The following ABCA13 variants were observed in gnomAD, a reference collection of about 807,000 sequenced individuals.
ABCA13 encodes ATP-binding cassette sub-family A member 13.
A neutral mutation model predicts 478.7 loss-of-function variants in ABCA13; 476 were observed. The observed-to-expected ratio is 0.99, with a 90% CI of 0.92 to 1.07. ABCA13 has a LOEUF of 1.07. ABCA13 is among the 50% of genes least tolerant of loss of function. ABCA13 has a pLI of 0.00. For synonymous variants in ABCA13, 2,252 were observed against 2,158.9 expected (o/e 1.04, Z -1.20); for missense variants, 6,060 against 5,910.6 (o/e 1.03, Z -0.83).
intron 49 of ABCA13, 144 bp downstream of exon 49, chr7:48,506,534 G>A (rs1195916165): frequency 1.1e-5 from 10 of 893,148 alleles, no homozygotes; most frequent in Non-Finnish European, 1.8e-5. Flanking sequence ...ACAGGACTTG[G>A]GCATTTCTTT....
At chr7:48,538,218 A>G (rs529072186) in intron 55 of ABCA13, among the ~76,000 whole-genome samples, 168 of 149,530 alleles carry the variant, frequency 1.1e-3, no homozygotes, top group African/African-American at 3.9e-3. Flanking sequence ...CTCCTGCCTC[A>G]GCCTCCTGAG....
At chr7:48,197,687 AT>A (rs1311973318) in intron 2 of ABCA13, among the ~76,000 whole-genome samples, 1 of 150,524 alleles carries the variant, frequency 6.6e-6, no homozygotes, top group Non-Finnish European at 1.5e-5. Flanking sequence ...TAAACAGCAC[AT>A]TATCCATAGA....
chr7:48,483,173 T>A lies in ABCA13; in HGVS notation c.13182+10T>A. The A allele has an allele frequency of 6.4e-7, 1 of 1,556,164 alleles. No individual in the cohort carries two copies. The highest frequency in any genetic ancestry group is 8.6e-7 in the Non-Finnish European group (1 of 1,159,582). On this transcript the variant is annotated intron_variant, in intron 47 of 61. Transcript: ENST00000435803. ...CCCAACTCTGGCAAAGGTAATCATA[T>A]TTTTTTATTTTTTTCCTGTTTTAGA...
At chr7:48,492,455 A>G (rs997497050) in intron 48 of ABCA13, among the ~76,000 whole-genome samples, 1 of 152,220 alleles carries the variant, frequency 6.6e-6, no homozygotes, top group African/African-American at 2.4e-5. Context: ...ATTTCTATCA[A>G]GCATTCATAT....
chr7:48,645,657 A>G lies in ABCA13; in HGVS notation c.*145A>G, dbSNP rs747049864. 1.9e-4 allele frequency: 130 copies of G among 701,606 alleles called. No individual in the cohort carries two copies. Among genetic ancestry groups the G allele is most frequent in the Non-Finnish European group, 2.9e-4 (125 of 426,818 alleles). 43.5% of individuals were successfully genotyped at this position (701,606 alleles called of 1,614,324 possible). On this transcript the variant is annotated 3_prime_UTR_variant, in exon 62 of 62. Transcript: ENST00000435803. ...ATTCTCTTGTTCATTTTCTATTTTG[A>G]ATCTCCTTGTTAGTTAATAACCACC...
chr7:48,199,042 C>T (rs1408937149), intron 3 of ABCA13, among the ~76,000 whole-genome samples: 5 of 152,160 alleles, frequency 3.3e-5, no homozygotes, highest in South Asian at 4.2e-4. Context: ...AAGTGGCTAG[C>T]GGATTAAGAT....
At chr7:48,580,434 C>T (rs1331711245) in intron 56 of ABCA13, 60 bp downstream of exon 56, 9 of 1,537,122 alleles carry the variant, frequency 5.9e-6, no homozygotes, top group Non-Finnish European at 8.0e-6. Flanking sequence ...TGGTGACCAC[C>T]TCTGGCTCCA....
chr7:48,582,948 G>A (rs927259380), intron 56 of ABCA13, among the ~76,000 whole-genome samples: 6 of 152,174 alleles, frequency 3.9e-5, no homozygotes, highest in African/African-American at 1.4e-4. Flanking sequence ...ATTACCAAAT[G>A]ATGCAAGAGA....
At chr7:48,175,491 G>T (rs1344374689) in intron 1 of ABCA13, among the ~76,000 whole-genome samples, 1 of 152,106 alleles carries the variant, frequency 6.6e-6, no homozygotes, top group Non-Finnish European at 1.5e-5. Context: ...TGTGATCTCG[G>T]CTCACTGCAA....
chr7:48,443,901 CT>C (rs1180648409), intron 42 of ABCA13, among the ~76,000 whole-genome samples: 2 of 152,154 alleles, frequency 1.3e-5, no homozygotes, highest in Non-Finnish European at 2.9e-5. Flanking sequence ...ACCCTCTTTC[CT>C]TCCTGTTACA....
intron 23 of ABCA13, among the ~76,000 whole-genome samples, chr7:48,305,783 T>C (rs1427925336): frequency 1.3e-5 from 2 of 152,214 alleles, no homozygotes; most frequent in Admixed American, 1.3e-4. Context: ...CAGATAATTA[T>C]CTAAGTGGCC....
chr7:48,359,036 C>T (rs953083954), intron 31 of ABCA13, among the ~76,000 whole-genome samples: 4 of 151,980 alleles, frequency 2.6e-5, no homozygotes, highest in South Asian at 2.1e-4. Flanking sequence ...CTTGCTGGTT[C>T]GCAGGACCTT....
rs779994650 is a variant in ABCA13 at position 48,273,064 on chromosome 7, C to A, written c.3398C>A (p.Ala1133Glu). 1 of 1,613,640 alleles carries A rather than the reference C, an allele frequency of 6.2e-7. No individual in the cohort carries two copies. Among genetic ancestry groups the A allele is most frequent in the Non-Finnish European group, 8.5e-7 (1 of 1,179,726 alleles). ...GCACAAATTTTTTCAAACCTCTCAG[C>A]AAATGTCAGTGTGTTCAACAAGTTT... ...PLAQIFSNLS[A>E]NVSVFNKFMS... Residue 1133 changes from alanine to glutamate, a missense_variant, in exon 17 of 62, where the codon GCA becomes GAA. This residue lies in a region of ABCA13 where 4,423 missense variants were observed against 4,309.1 expected (regional missense o/e 1.03). Coordinates refer to ENST00000435803, the MANE Select transcript of ABCA13 (RefSeq NM_152701.5).
At position 48,313,102 on chromosome 7, in the gene ABCA13, C is replaced by A; in HGVS notation, c.9552C>A (p.Asn3184Lys). 6.2e-7 allele frequency: 1 copy of A among 1,610,260 alleles called. No homozygotes were observed. The highest frequency in any genetic ancestry group is 8.5e-7 in the Non-Finnish European group (1 of 1,178,340). The change falls in exon 25 of 62, where the codon AAC (asparagine) becomes AAA (lysine). Residue 3184 changes from asparagine (N) to lysine (K), a missense_variant. By Grantham distance (94) the Asn-to-Lys change is moderately conservative. Coordinates refer to ENST00000435803, the MANE Select transcript of ABCA13 (RefSeq NM_152701.5). Reference protein sequence around the residue: ...LMPSEANGLLNSLLDIVSSLS... With the variant: ...LMPSEANGLLKSLLDIVSSLS... ...CTTCTGAAGCAAATGGCTTGCTCAA[C>A]TCCTTGCTGGATATAGTTTCCAGCC...
chr7:48,310,907 C>G (rs1801679609), intron 24 of ABCA13, among the ~76,000 whole-genome samples: 1 of 152,158 alleles, frequency 6.6e-6, no homozygotes, highest in South Asian at 2.1e-4. Flanking sequence ...AGAAGCTTCT[C>G]CTCCTTCTGG....
intron 30 of ABCA13, 126 bp downstream of exon 30, chr7:48,350,945 C>T (rs547244425): frequency 2.1e-4 from 216 of 1,012,910 alleles, no homozygotes; most frequent in Non-Finnish European, 2.9e-4. Context: ...CCAGATAAAA[C>T]ATAAAATAAA....
At chr7:48,198,734 T>G (rs1383881028) in intron 3 of ABCA13, among the ~76,000 whole-genome samples, 1 of 152,216 alleles carries the variant, frequency 6.6e-6, no homozygotes, top group Admixed American at 6.5e-5. Context: ...CTGGGTTTTT[T>G]CTCCTGTGCT....
At chr7:48,495,395 G>C (rs907775511) in intron 48 of ABCA13, among the ~76,000 whole-genome samples, 4 of 152,074 alleles carry the variant, frequency 2.6e-5, no homozygotes, top group Non-Finnish European at 5.9e-5. Context: ...ATCACGGTCA[G>C]TGACCATACT....
At chr7:48,411,853 C>G (rs997070291) in intron 40 of ABCA13, among the ~76,000 whole-genome samples, 4 of 152,166 alleles carry the variant, frequency 2.6e-5, no homozygotes, top group Non-Finnish European at 4.4e-5. Flanking sequence ...TGGTGGCCCA[C>G]GAAAAGTCTT....
Sources: gnomAD v4.1 joint callset for allele counts (sites outside exome capture counted in the v4.1 genomes callset) on GRCh38, gnomAD v4.1.1 for gene constraint, gnomAD v4.1.1 regional missense constraint, MANE v1.5 for transcripts, NCBI Gene and HGNC (gene_info 2026-07-23, HGNC 2026-07-21) for gene names.